The following MPP7 variants were observed in gnomAD, a reference collection of about 807,000 sequenced individuals.
MPP7 encodes the protein MAGUK p55 scaffold protein 7.
MPP7 carries 60 observed loss-of-function variants against 76.5 expected under a neutral mutation model. The ratio of observed to expected loss-of-function variants is 0.78; its 90% CI spans 0.64 to 0.97. The LOEUF (loss-of-function observed/expected upper bound fraction) is 0.97, where lower values mean the gene tolerates loss of function less well. MPP7 is among the 50% of genes least tolerant of loss of function. The probability of loss-of-function intolerance (pLI) is 0.00; values close to 1 mark genes in which losing one functional copy is unlikely to be tolerated. For missense variants in MPP7, 641 were observed against 694.0 expected (o/e 0.92, Z 0.86); for synonymous variants, 237 against 244.5 (o/e 0.97, Z 0.29).
chr10:28,103,838 C>T (rs998414700), intron 11 of MPP7, among the ~76,000 whole-genome samples: 1 of 151,976 alleles, frequency 6.6e-6, no homozygotes, highest in African/African-American at 2.4e-5. Context: ...GGTTCTCTCT[C>T]GAGAGAAGCC....
intron 3 of MPP7, among the ~76,000 whole-genome samples, chr10:28,176,116 T>C (rs1836851048): frequency 6.6e-6 from 1 of 152,134 alleles, no homozygotes; most frequent in African/African-American, 2.4e-5. Flanking sequence ...TTCCTATTGG[T>C]CACTGTTAGG....
intron 2 of MPP7, among the ~76,000 whole-genome samples, chr10:28,309,994 A>G (rs1841280795): frequency 7.0e-6 from 1 of 142,598 alleles, no homozygotes; most frequent in Non-Finnish European, 1.5e-5. Flanking sequence ...AGCCAATGCC[A>G]ATTAAACCTT....
Position 28,125,039 on chromosome 10 carries a change from A to C in MPP7, c.500T>G (p.Ile167Ser). ...TCTATCTGCAGCTCCTCCTCTCATG[A>C]TTCTGGCCACAATGATCGCCCCGGT... Reference protein sequence around the residue: ...EQTGAIIVARIMRGGAADRSG... With the variant: ...EQTGAIIVARSMRGGAADRSG... Residue 167 changes from isoleucine to serine, a missense_variant, in exon 7 of 17, where the codon ATC becomes AGC. Transcript: ENST00000683449. The C allele has an allele frequency of 1.2e-5, 19 of 1,614,040 alleles. No individual in the cohort carries two copies. The highest frequency in any genetic ancestry group is 1.6e-5 in the Non-Finnish European group (19 of 1,179,976).
chr10:28,315,125 G>A (rs1173145020), intron 2 of MPP7, among the ~76,000 whole-genome samples: 1 of 151,714 alleles, frequency 6.6e-6, no homozygotes, highest in Admixed American at 6.6e-5. Flanking sequence ...TCCAGCCTGG[G>A]TGACAGCCTG....
In MPP7 at chr10:28,054,202, C is replaced by A; in HGVS notation, c.1594G>T (p.Glu532Ter). 6.3e-7 allele frequency: 1 copy of A among 1,597,334 alleles called. No individual in the cohort carries two copies. Among genetic ancestry groups the A allele is most frequent in the Non-Finnish European group, 8.6e-7 (1 of 1,168,492 alleles). ...TCAAAAAGATGACCATATTGACTTT[C>A]CATTATCTGTGCAGATTTAATCATT... ...QEMIKSAQIM[E>*]SQYGHLFDKI... The change falls in exon 17 of 17, where the codon GAA becomes TAA. Residue 532 changes from glutamate to a stop codon, truncating the protein, a stop_gained. Coordinates refer to ENST00000683449, the MANE Select transcript of MPP7 (RefSeq NM_001318170.2). LOFTEE classifies it high-confidence loss of function.
At chr10:28,086,785 G>T (rs1192365980) in intron 12 of MPP7, among the ~76,000 whole-genome samples, 2 of 152,082 alleles carry the variant, frequency 1.3e-5, no homozygotes, top group Non-Finnish European at 2.9e-5. Context: ...GAGAGTTCCA[G>T]ATCCACTATA....
chr10:28,217,951 A>G (rs1429385015), intron 2 of MPP7, among the ~76,000 whole-genome samples: 1 of 152,228 alleles, frequency 6.6e-6, no homozygotes, highest in African/African-American at 2.4e-5. Flanking sequence ...CAGAACGCCT[A>G]AAGAGAATTA....
At chr10:28,296,229 C>T (rs932393327) in intron 1 of MPP7, among the ~76,000 whole-genome samples, 1 of 152,090 alleles carries the variant, frequency 6.6e-6, no homozygotes, top group Admixed American at 6.5e-5. Flanking sequence ...TTTTCCATGC[C>T]CACGCTCTCC....
At chr10:28,109,878 TAAAAC>T (rs1000386382) in intron 11 of MPP7, among the ~76,000 whole-genome samples, 1 of 60,322 alleles carries the variant, frequency 1.7e-5, no homozygotes, top group African/African-American at 6.0e-5. Flanking sequence ...AAAAAACACT[TAAAAC>T]AATTAGGTAA....
chr10:28,123,988 G>A (rs147330717), intron 8 of MPP7, 43 bp downstream of exon 8: 2 of 1,304,068 alleles, frequency 1.5e-6, no homozygotes, highest in South Asian at 1.2e-5. Flanking sequence ...ACAGTGATTC[G>A]ATTTTATTTT....
intron 5 of MPP7, among the ~76,000 whole-genome samples, chr10:28,146,465 G>C (rs1201404138): frequency 2.0e-5 from 3 of 147,778 alleles, no homozygotes; most frequent in Admixed American, 6.8e-5. Flanking sequence ...GCAGTGGCAC[G>C]ATCTCAGCTC....
Position 28,089,735 on chromosome 10 carries a change from T to G in MPP7, c.1059A>C (p.Thr353=), listed in dbSNP as rs760229746. The change falls in exon 12 of 17, where the codon ACA becomes ACC. Residue 353 remains threonine, a synonymous_variant. Transcript: ENST00000683449. The part of the protein sequence containing the change: ...SDQYDTADVP[T]YEEVTPYRRQ... Reference sequence around the variant, plus strand: ...GCCGATACGGTGTCACTTCTTCGTATGTGGGTACGTCAGCTGTGTCGTACT... The same window carrying G: ...GCCGATACGGTGTCACTTCTTCGTAGGTGGGTACGTCAGCTGTGTCGTACT... 6.2e-7 allele frequency: 1 copy of G among 1,614,022 alleles called. No homozygotes were observed. The highest frequency in any genetic ancestry group is 1.1e-5 in the South Asian group (1 of 91,048).
At chr10:28,158,050 G>A (rs1035031035) in intron 3 of MPP7, among the ~76,000 whole-genome samples, 1 of 152,110 alleles carries the variant, frequency 6.6e-6, no homozygotes, top group Non-Finnish European at 1.5e-5. Context: ...ATGTTAAAAC[G>A]TTATTATTAG....
At chr10:28,164,734 T>C (rs1836387995) in intron 3 of MPP7, among the ~76,000 whole-genome samples, 1 of 152,096 alleles carries the variant, frequency 6.6e-6, no homozygotes, top group African/African-American at 2.4e-5. Flanking sequence ...CCAAGATAAT[T>C]CTTCTTCTTC....
chr10:28,202,012 A>G, intron 3 of MPP7, 141 bp downstream of exon 3: 1 of 656,838 alleles, frequency 1.5e-6, no homozygotes, highest in Non-Finnish European at 2.7e-6. Context: ...AATCTTTAAC[A>G]ACTTCCACGC....
chr10:28,071,575 CTAATA>C (rs1852241834), intron 12 of MPP7, among the ~76,000 whole-genome samples: 1 of 152,066 alleles, frequency 6.6e-6, no homozygotes, highest in South Asian at 2.1e-4. Flanking sequence ...GAATTAATTG[CTAATA>C]TAACTTATCG....
At chr10:28,268,905 C>T (rs1481967118) in intron 1 of MPP7, among the ~76,000 whole-genome samples, 2 of 150,760 alleles carry the variant, frequency 1.3e-5, no homozygotes, top group Admixed American at 1.3e-4. Flanking sequence ...GGCAACAGAC[C>T]GAGACTCCGT....
intron 1 of MPP7, among the ~76,000 whole-genome samples, chr10:28,332,892 ACCTCAAGCAATCCTCCCACCCCAGCAC>A (rs1834484083): frequency 6.6e-6 from 1 of 151,528 alleles, no homozygotes; most frequent in South Asian, 2.1e-4. Flanking sequence ...CAAACTCCCA[ACCTCAAGCAATCCTCCCACCCCAGCAC>A]CCCAAAGTGC....
intron 8 of MPP7, among the ~76,000 whole-genome samples, chr10:28,121,815 A>G (rs1834851756): frequency 6.6e-6 from 1 of 151,552 alleles, no homozygotes; most frequent in Admixed American, 6.6e-5. Flanking sequence ...ATTTATTTAA[A>G]AAAAAAAAAA....
Sources: gnomAD v4.1 joint callset for allele counts (sites outside exome capture counted in the v4.1 genomes callset) on GRCh38, gnomAD v4.1.1 for gene constraint, MANE v1.5 for transcripts, NCBI Gene and HGNC (gene_info 2026-07-23, HGNC 2026-07-21) for gene names.